The following HCN1 variants were observed in gnomAD, a reference collection of about 807,000 sequenced individuals.
HCN1 encodes the protein hyperpolarization activated cyclic nucleotide gated potassium channel 1.
HCN1 carries 13 observed loss-of-function variants against 78.9 expected under a neutral mutation model. The ratio of observed to expected loss-of-function variants is 0.16; its 90% CI spans 0.11 to 0.26. The LOEUF is 0.26. HCN1 is among the 10% of genes least tolerant of loss of function. The probability of loss-of-function intolerance (pLI) is 1.00; values close to 1 mark genes in which losing one functional copy is unlikely to be tolerated. For synonymous variants in HCN1, 552 were observed against 455.5 expected, an observed-to-expected ratio of 1.21 and a Z score of -2.70; for missense variants, 810 against 1,154.3, an observed-to-expected ratio of 0.70 and a Z score of 4.32.
intron 2 of HCN1, among the ~76,000 whole-genome samples, chr5:45,595,164 G>C (rs2111953213): frequency 6.6e-6 from 1 of 152,246 alleles, no homozygotes; most frequent in African/African-American, 2.4e-5. Context: ...ACTTCTAAAA[G>C]CTAAAAGCCT....
chr5:45,374,007 A>T (rs1747512210), intron 4 of HCN1, among the ~76,000 whole-genome samples: 1 of 114,828 alleles, frequency 8.7e-6, no homozygotes, highest in African/African-American at 3.4e-5. Flanking sequence ...TATATTATAT[A>T]CATAATATAT....
At chr5:45,436,099 A>T (rs1740556300) in intron 3 of HCN1, among the ~76,000 whole-genome samples, 1 of 152,216 alleles carries the variant, frequency 6.6e-6, no homozygotes, top group Non-Finnish European at 1.5e-5. Context: ...TAAATACATG[A>T]CTATAAGAAT....
intron 2 of HCN1, among the ~76,000 whole-genome samples, chr5:45,555,030 C>G (rs1743444000): frequency 1.3e-5 from 2 of 151,694 alleles, no homozygotes; most frequent in Admixed American, 1.3e-4. Context: ...GCAAAATATT[C>G]TAGGAAATTA....
At chr5:45,618,641 T>C (rs1042754052) in intron 2 of HCN1, among the ~76,000 whole-genome samples, 7 of 152,120 alleles carry the variant, frequency 4.6e-5, no homozygotes, top group African/African-American at 1.7e-4. Context: ...AGATGGTCTG[T>C]AGTATTCTTT....
intron 5 of HCN1, among the ~76,000 whole-genome samples, chr5:45,342,945 C>T (rs1171908329): frequency 2.6e-5 from 4 of 152,076 alleles, no homozygotes; most frequent in Admixed American, 2.0e-4. Flanking sequence ...ATAAGTAGCA[C>T]TCTTATATTA....
At chr5:45,309,453 A>G (rs1376337234) in intron 5 of HCN1, among the ~76,000 whole-genome samples, 2 of 152,122 alleles carry the variant, frequency 1.3e-5, no homozygotes, top group African/African-American at 4.8e-5. Context: ...CTGGTTTTAA[A>G]AGGGAATACT....
chr5:45,273,259 C>A (rs1167449575), intron 6 of HCN1, among the ~76,000 whole-genome samples: 1 of 152,028 alleles, frequency 6.6e-6, no homozygotes, highest in East Asian at 1.9e-4. Context: ...ACATAGACAA[C>A]TCTGTTTCCA....
intron 2 of HCN1, among the ~76,000 whole-genome samples, chr5:45,539,237 A>T (rs1743039128): frequency 6.6e-6 from 1 of 152,106 alleles, no homozygotes; most frequent in Non-Finnish European, 1.5e-5. Context: ...CATAAAGCTT[A>T]GTTGCTTTCT....
At chr5:45,271,893 G>A (rs1291935081) in intron 6 of HCN1, among the ~76,000 whole-genome samples, 1 of 152,058 alleles carries the variant, frequency 6.6e-6, no homozygotes, top group East Asian at 1.9e-4. Context: ...AAACTCATCA[G>A]CCATTACCTT....
chr5:45,586,925 C>T lies in HCN1; in HGVS notation c.849+58260G>A, dbSNP rs534688681. ...CAATTCCAGAGTCAAAAAATATGCA[C>T]CTCAATTCTGTGGGCCATCACTAAC... On this transcript the variant is annotated intron_variant, in intron 2 of 7. Coordinates refer to ENST00000303230, the MANE Select transcript of HCN1 (RefSeq NM_021072.4). Among the ~76,000 whole-genome samples the T allele has an allele frequency of 6.3e-4, 96 of 152,246 alleles. 1 individual carries two copies. The South Asian group carries it at 0.019, about 31-fold the overall frequency.
intron 3 of HCN1, among the ~76,000 whole-genome samples, chr5:45,423,527 A>G (rs1740270988): frequency 6.6e-6 from 1 of 152,220 alleles, no homozygotes; most frequent in Non-Finnish European, 1.5e-5. Flanking sequence ...TTTGTTCACT[A>G]CATTCTACAT....
Position 45,341,575 on chromosome 5 carries a change from T to C in HCN1, c.1377+11525A>G, listed in dbSNP as rs149315183. On this transcript the variant is annotated intron_variant, in intron 5 of 7. Transcript: ENST00000303230. ...GATAAAAATAATGGCTGCCAAGAGA[T>C]GGAAGTGGTCCAGTCAAAGCAAAAG... Among the ~76,000 whole-genome samples, 458 of 152,170 alleles carry C rather than the reference T, an allele frequency of 3.0e-3. 1 individual carries two copies. Among genetic ancestry groups the C allele is most frequent in the African/African-American group, 0.01 (436 of 41,534 alleles).
intron 2 of HCN1, among the ~76,000 whole-genome samples, chr5:45,636,828 C>T (rs1254016700): frequency 6.6e-6 from 1 of 152,058 alleles, no homozygotes; most frequent in African/African-American, 2.4e-5. Context: ...AGCAAAAGAG[C>T]AAGACCCTAT....
At chr5:45,439,949 T>C (rs1050667212) in intron 3 of HCN1, among the ~76,000 whole-genome samples, 1 of 148,436 alleles carries the variant, frequency 6.7e-6, no homozygotes. Context: ...ATTATAAAAA[T>C]ATAACAAAAA....
At chr5:45,537,535 T>TTTTTTTTTG in intron 2 of HCN1, among the ~76,000 whole-genome samples, 1 of 117,260 alleles carries the variant, frequency 8.5e-6, no homozygotes. Context: ...TTTTTTTTTT[T>TTTTTTTTTG]TTTTTTTTTT....
At chr5:45,366,146 G>A (rs1341876242) in intron 4 of HCN1, among the ~76,000 whole-genome samples, 1 of 149,890 alleles carries the variant, frequency 6.7e-6, no homozygotes, top group Non-Finnish European at 1.5e-5. Flanking sequence ...TGCACTGATT[G>A]TTGTTACATT....
intron 2 of HCN1, among the ~76,000 whole-genome samples, chr5:45,535,525 G>A (rs1267016002): frequency 6.6e-6 from 1 of 152,134 alleles, no homozygotes; most frequent in East Asian, 1.9e-4. Context: ...TTGAACCTGG[G>A]AGGTGGAGGT....
chr5:45,448,853 C>G (rs952557336), intron 3 of HCN1, among the ~76,000 whole-genome samples: 2 of 152,142 alleles, frequency 1.3e-5, no homozygotes, highest in African/African-American at 4.8e-5. Flanking sequence ...GTGGCTCACG[C>G]CTGTAATCCC....
intron 6 of HCN1, among the ~76,000 whole-genome samples, chr5:45,279,724 A>C (rs1579775072): frequency 6.6e-6 from 1 of 152,130 alleles, no homozygotes; most frequent in East Asian, 1.9e-4. Context: ...AATTATTTTG[A>C]GAAAAATTGC....
Sources: allele counts gnomAD v4.1 joint callset (sites outside exome capture counted in the v4.1 genomes callset), GRCh38; gene constraint gnomAD v4.1.1; transcripts MANE v1.5; gene names NCBI Gene and HGNC (gene_info 2026-07-23, HGNC 2026-07-21).